USP3: variants seen among roughly 807,000 people sequenced by gnomAD.
The protein encoded by USP3 is ubiquitin carboxyl-terminal hydrolase 3.
Under a neutral mutation model 72.3 loss-of-function variants are expected in USP3, and 20 were observed. The ratio of observed to expected loss-of-function variants is 0.28; its 90% CI spans 0.19 to 0.40. USP3 has a LOEUF of 0.40. Among genes scored for constraint, USP3 ranks in the 10% least tolerant of loss-of-function variants. The pLI is 1.00. For missense variants in USP3, 479 were observed against 633.9 expected (o/e 0.76, Z 2.62); for synonymous variants, 222 against 225.3 (o/e 0.99, Z 0.13).
intron 1 of USP3, among the ~76,000 whole-genome samples, chr15:63,524,734 G>C (rs916386924): frequency 6.6e-6 from 1 of 152,062 alleles, no homozygotes; most frequent in Non-Finnish European, 1.5e-5. Flanking sequence ...TTGGTCTCTG[G>C]GTAATTAGAC....
chr15:63,514,440 C>T (rs930806235), intron 1 of USP3, among the ~76,000 whole-genome samples: 2 of 152,122 alleles, frequency 1.3e-5, no homozygotes, highest in African/African-American at 2.4e-5. Context: ...ATCTATCCCT[C>T]GGGCAGAGTA....
chr15:63,563,098 A>C (rs907602388), intron 8 of USP3, 90 bp downstream of exon 8: 124 of 895,384 alleles, frequency 1.4e-4, no homozygotes, highest in Non-Finnish European at 1.9e-4. Context: ...TGTATTCTAA[A>C]TATTCTAAAT....
chr15:63,556,409 C>G, intron 4 of USP3: 1 of 337,374 alleles, frequency 3.0e-6, no homozygotes, highest in Non-Finnish European at 5.4e-6. Context: ...TGGGGAGTGT[C>G]CCACGGGCTG....
At position 63,504,612 on chromosome 15, in the gene USP3, T is replaced by C; in HGVS notation, c.-128T>C. The C allele has an allele frequency of 1.3e-6, 1 of 742,628 alleles. No individual in the cohort carries two copies. The highest frequency in any genetic ancestry group is 2.1e-5 in the South Asian group (1 of 47,120). 46.0% of individuals were successfully genotyped at this position (742,628 alleles called of 1,614,324 possible). On this transcript the variant is annotated 5_prime_UTR_variant, in exon 1 of 15. Coordinates refer to ENST00000380324, the MANE Select transcript of USP3 (RefSeq NM_006537.4). The stretch of plus-strand genomic sequence containing the variant: ...CCCGTGCTTTCTTTGACGCAAGGGC[T>C]CGAGACGCAGCCGCCGTCGGCCGAG...
At chr15:63,550,226 G>A (rs920877367) in intron 3 of USP3, among the ~76,000 whole-genome samples, 1 of 152,186 alleles carries the variant, frequency 6.6e-6, no homozygotes, top group East Asian at 1.9e-4. Flanking sequence ...CACCATGTTG[G>A]CCAGAATGGT....
At chr15:63,579,342 A>C (rs2066915410) in intron 11 of USP3, among the ~76,000 whole-genome samples, 1 of 152,242 alleles carries the variant, frequency 6.6e-6, no homozygotes, top group Non-Finnish European at 1.5e-5. Context: ...TCTAAAATGA[A>C]AGTAAGGTAG....
At chr15:63,532,569 C>G in intron 1 of USP3, 78 bp from the exon 2 acceptor site, 15 of 1,551,574 alleles carry the variant, frequency 9.7e-6, no homozygotes, top group Non-Finnish European at 1.3e-5. Flanking sequence ...GAATTTATAA[C>G]TTAATCACAG....
Position 63,558,115 on chromosome 15 carries a change from A to G in USP3, c.460A>G (p.Thr154Ala). 6.2e-7 allele frequency: 1 copy of G among 1,614,146 alleles called. No homozygotes were observed. The highest frequency in any genetic ancestry group is 8.5e-7 in the Non-Finnish European group (1 of 1,180,014). ...CTTGCACCACTTACAGGGAAGCACC[A>G]CTGCCATTTGTGCCACAGGCCTTCG... ...SKLLKVNGST[T>A]AICATGLRNL... The change falls in exon 6 of 15, where the codon ACT becomes GCT. Residue 154 changes from threonine to alanine, a missense_variant. Transcript: ENST00000380324.
chr15:63,504,838 C>T lies in USP3; in HGVS notation c.91+8C>T, dbSNP rs1234531417. On this transcript the variant is annotated splice_region_variant and intron_variant, in intron 1 of 14. Coordinates refer to ENST00000380324, the MANE Select transcript of USP3 (RefSeq NM_006537.4). ...CGTCCTGGTGCTGCAGCGGTGAGTG[C>T]GGCCACGGGCCGGCCCCGCAGCGCA... The T allele has an allele frequency of 3.1e-6, 5 of 1,596,394 alleles. No homozygotes were observed. Among genetic ancestry groups the T allele is most frequent in the Non-Finnish European group, 2.6e-6 (3 of 1,173,214 alleles).
chr15:63,586,374 A>G (rs1483186538), intron 11 of USP3, among the ~76,000 whole-genome samples: 1 of 152,062 alleles, frequency 6.6e-6, no homozygotes, highest in African/African-American at 2.4e-5. Context: ...TCAAATGATG[A>G]TTTTAAATGT....
chr15:63,579,077 C>A lies in USP3; in HGVS notation c.1096+4674C>A, dbSNP rs544604895. The stretch of plus-strand genomic sequence containing the variant: ...AAGCCAGCTGGCTTTCTGTATGTAG[C>A]AAAATAATCTATTCACAGTAGCAAT... On this transcript the variant is annotated intron_variant, in intron 11 of 14. Coordinates refer to ENST00000380324, the MANE Select transcript of USP3 (RefSeq NM_006537.4). Among the ~76,000 whole-genome samples, 13 of 152,072 alleles carry A rather than the reference C, an allele frequency of 8.5e-5. No individual in the cohort carries two copies. The South Asian group carries it at 2.7e-3, about 32-fold the overall frequency.
chr15:63,530,269 GCCTC>G (rs72217019), intron 1 of USP3, among the ~76,000 whole-genome samples: 88,108 of 136,038 alleles, frequency 0.65, 30,188 homozygotes, highest in African/African-American at 0.8. Context: ...CTCCCTCCCT[GCCTC>G]CCTCCCTCCC....
At chr15:63,589,111 G>T in intron 14 of USP3, 100 bp downstream of exon 14, 1 of 1,379,452 alleles carries the variant, frequency 7.2e-7, no homozygotes, top group South Asian at 1.2e-5. Context: ...CTAAAAAATG[G>T]ATTCAGATAA....
intron 8 of USP3, among the ~76,000 whole-genome samples, chr15:63,569,874 T>C (rs2066751813): frequency 6.6e-6 from 1 of 152,260 alleles, no homozygotes; most frequent in African/African-American, 2.4e-5. Context: ...AAAAAGTATT[T>C]AACTCTTTCA....
chr15:63,584,092 GTTTTTTTTTTTT>G (rs61574200), intron 11 of USP3, among the ~76,000 whole-genome samples: 6 of 85,580 alleles, frequency 7.0e-5, no homozygotes, highest in Admixed American at 4.4e-4. Flanking sequence ...CAACGGTTTT[GTTTTTTTTTTTT>G]TTTTTTTTTT....
intron 3 of USP3, among the ~76,000 whole-genome samples, chr15:63,548,256 A>G (rs1312534398): frequency 6.6e-6 from 1 of 151,998 alleles, no homozygotes; most frequent in Non-Finnish European, 1.5e-5. Context: ...CAGCCTCCCA[A>G]GGAGCTGGGA....
chr15:63,570,660 G>C lies in USP3; in HGVS notation c.908+81G>C. 2 of 1,527,286 alleles carry C rather than the reference G, an allele frequency of 1.3e-6. No individual in the cohort carries two copies. The highest frequency in any genetic ancestry group is 1.8e-6 in the Non-Finnish European group (2 of 1,139,540). 94.6% of individuals were successfully genotyped at this position (1,527,286 alleles called of 1,614,324 possible). ...TTAATTATGTGTTAGATTTATAACG[G>C]AAGGTAGAGGGGTTTCTTGGACATT... On this transcript the variant is annotated intron_variant, in intron 9 of 14. Transcript: ENST00000380324. The surrounding 1 kb of genome is among the most constrained non-coding windows in gnomAD (Gnocchi z 4.4).
chr15:63,514,967 G>A (rs905606127), intron 1 of USP3, among the ~76,000 whole-genome samples: 1 of 152,120 alleles, frequency 6.6e-6, no homozygotes, highest in African/African-American at 2.4e-5. Context: ...CATGGCTTTT[G>A]TTTTTATTTT....
At chr15:63,536,426 G>A (rs531603047) in intron 2 of USP3, among the ~76,000 whole-genome samples, 2 of 147,976 alleles carry the variant, frequency 1.4e-5, no homozygotes, top group Admixed American at 6.8e-5. Context: ...TTTGATAATA[G>A]CCCAAGTTGG....
Sources: gnomAD v4.1 joint callset for allele counts (sites outside exome capture counted in the v4.1 genomes callset) on GRCh38, gnomAD v4.1.1 for gene constraint, Gnocchi (gnomAD v3.1) non-coding constraint, MANE v1.5 for transcripts, NCBI Gene and HGNC (gene_info 2026-07-23, HGNC 2026-07-21) for gene names.